Variants in INPP4A observed in about 807,000 individuals in gnomAD.
INPP4A encodes inositol polyphosphate-4-phosphatase type I A, also known as inositol polyphosphate-4-phosphatase, type I, 107kD.
INPP4A carries 33 observed loss-of-function variants against 119.8 expected under a neutral mutation model. That is an observed-to-expected ratio of 0.28 (90% CI 0.21 to 0.37). The LOEUF (loss-of-function observed/expected upper bound fraction) is 0.37, where lower values mean the gene tolerates loss of function less well. Ranked by LOEUF, INPP4A falls within the 10% of genes least tolerant of loss-of-function variation. The pLI is 1.00. For synonymous variants in INPP4A, 496 were observed against 500.7 expected (o/e 0.99, Z 0.12); for missense variants, 956 against 1,289.9 (o/e 0.74, Z 3.97).
chr2:98,562,806 C>G (rs1695729604), intron 17 of INPP4A, among the ~76,000 whole-genome samples: 1 of 138,108 alleles, frequency 7.2e-6, no homozygotes, highest in Non-Finnish European at 1.5e-5. Flanking sequence ...CAAAGTTTCC[C>G]TATATTCCTA....
At chr2:98,541,195 T>C (rs373755190) in intron 10 of INPP4A, among the ~76,000 whole-genome samples, 2 of 151,936 alleles carry the variant, frequency 1.3e-5, no homozygotes, top group Middle Eastern at 3.4e-3. Flanking sequence ...GGCGCGGTGG[T>C]GGGCGCCTGT....
intron 10 of INPP4A, among the ~76,000 whole-genome samples, chr2:98,541,206 A>T (rs1464753039): frequency 2.0e-5 from 3 of 152,032 alleles, no homozygotes; most frequent in African/African-American, 7.2e-5. Flanking sequence ...GGGCGCCTGT[A>T]GTCCCAGCTA....
intron 1 of INPP4A, among the ~76,000 whole-genome samples, chr2:98,482,058 G>A (rs1678581616): frequency 6.6e-6 from 1 of 152,240 alleles, no homozygotes; most frequent in Non-Finnish European, 1.5e-5. Context: ...AGGATCACTT[G>A]AGGCAAGGAG....
intron 3 of INPP4A, 33 bp downstream of exon 3, chr2:98,520,187 G>A (rs1686915333): frequency 2.0e-6 from 3 of 1,501,138 alleles, no homozygotes; most frequent in South Asian, 1.2e-5. Context: ...CGGGCTCCAG[G>A]TATGAGCTCA....
intron 24 of INPP4A, among the ~76,000 whole-genome samples, chr2:98,578,855 C>T (rs142651752): frequency 2.5e-3 from 386 of 152,342 alleles, no homozygotes; most frequent in Non-Finnish European, 4.3e-3. Flanking sequence ...GGTAGCGCTG[C>T]GGACATTTGG....
In INPP4A at chr2:98,563,608, T is replaced by C. The variant is rs1372591736; in HGVS notation, c.1999T>C (p.Tyr667His). The change falls in exon 18 of 25, where the codon TAC (tyrosine) becomes CAC (histidine). Residue 667 changes from tyrosine to histidine, a missense_variant. Tyr to His is a moderately conservative substitution (Grantham distance 83). Coordinates refer to ENST00000409851, the MANE Select transcript of INPP4A (RefSeq NM_001134225.2). ...PTIATYLSLQYRRDVVFCQTL... is the reference protein window; with the variant it reads ...PTIATYLSLQHRRDVVFCQTL... ...CATAGCCACCTACCTGAGCCTGCAG[T>C]ACCGCCGTGACGTGGTCTTCTGCCA... 4.3e-6 allele frequency: 7 copies of C among 1,613,058 alleles called. No individual in the cohort carries two copies. The highest frequency in any genetic ancestry group is 5.9e-6 in the Non-Finnish European group (7 of 1,179,874).
chr2:98,522,516 G>A (rs961242), intron 4 of INPP4A, among the ~76,000 whole-genome samples: 41,729 of 151,862 alleles, frequency 0.27, 5,785 homozygotes, highest in Middle Eastern at 0.35. Context: ...AAAGTAGAAA[G>A]TGGGTAAGAA....
In INPP4A at chr2:98,570,367, C is replaced by T. The variant is rs1697230143; in HGVS notation, c.2518+1699C>T. ...GGACTCAACAGAAGGCGAGAGAGAGCATCACAGGCTAGCAGGAAGAAGGCA... is the reference window on the plus strand; with the variant it reads ...GGACTCAACAGAAGGCGAGAGAGAGTATCACAGGCTAGCAGGAAGAAGGCA... On this transcript the variant is annotated intron_variant, in intron 22 of 24. Coordinates refer to ENST00000409851, the MANE Select transcript of INPP4A (RefSeq NM_001134225.2). The surrounding 1 kb of genome is among the most constrained non-coding windows in gnomAD (Gnocchi z 4.3). 6.6e-6 allele frequency among the ~76,000 whole-genome samples: 1 copy of T among 152,148 alleles called. No homozygotes were observed. Among genetic ancestry groups the T allele is most frequent in the African/African-American group, 2.4e-5 (1 of 41,424 alleles).
intron 1 of INPP4A, among the ~76,000 whole-genome samples, chr2:98,470,912 C>T (rs1036136855): frequency 8.5e-5 from 13 of 152,158 alleles, no homozygotes; most frequent in Non-Finnish European, 7.4e-5. Flanking sequence ...GTGATCCACC[C>T]ACCTTGGCCT....
chr2:98,475,688 T>C (rs2104931645), intron 1 of INPP4A, among the ~76,000 whole-genome samples: 1 of 152,340 alleles, frequency 6.6e-6, no homozygotes, highest in Admixed American at 6.5e-5. Flanking sequence ...TGCTGGGGCA[T>C]GCTGGGCTGT....
At chr2:98,579,216 A>C (rs1037022885) in intron 24 of INPP4A, among the ~76,000 whole-genome samples, 4 of 151,912 alleles carry the variant, frequency 2.6e-5, no homozygotes, top group African/African-American at 9.7e-5. Flanking sequence ...CACCTGGCTA[A>C]TTTTTTGTAT....
chr2:98,587,998 A>G lies in INPP4A; in HGVS notation c.*390A>G, dbSNP rs1021386238. The G allele has an allele frequency of 2.2e-5, 5 of 224,854 alleles. No individual in the cohort carries two copies. The highest frequency in any genetic ancestry group is 1.1e-4 in the African/African-American group (5 of 44,888). 13.9% of individuals were successfully genotyped at this position (224,854 alleles called of 1,614,324 possible). ...CAGAGTAACTCAAAAGTAACCATTG[A>G]ATTACAATCCACTTTGTAAAAATCT... is the stretch of plus-strand genomic sequence containing the variant. On this transcript the variant is annotated 3_prime_UTR_variant, in exon 25 of 25. Transcript: ENST00000409851.
rs3066275 is a variant in INPP4A at position 98,460,100 on chromosome 2, C to CGTGTGTGTGTGTGTGTGTGT, written c.-166+15028_-166+15047dup. On this transcript the variant is annotated intron_variant, in intron 1 of 24. Transcript: ENST00000409851. ...GTGCCACACCTTTGGGTTTGGTCAT[C>CGTGTGTGTGTGTGTGTGTGT]GTGTGTGTGTGTGTGTGTGTGTGTG... Among the ~76,000 whole-genome samples, 237 of 147,102 alleles carry CGTGTGTGTGTGTGTGTGTGT rather than the reference C, an allele frequency of 1.6e-3. 2 individuals are homozygous for CGTGTGTGTGTGTGTGTGTGT. Among genetic ancestry groups the CGTGTGTGTGTGTGTGTGTGT allele is most frequent in the African/African-American group, 5.7e-3 (227 of 39,756 alleles).
At chr2:98,515,751 C>T (rs6750974) in intron 1 of INPP4A, among the ~76,000 whole-genome samples, 31 of 152,286 alleles carry the variant, frequency 2.0e-4, no homozygotes, top group African/African-American at 6.5e-4. Context: ...CTCTGGCAAA[C>T]GTTTCCCAGG....
At chr2:98,539,865 A>G (rs994653811) in intron 10 of INPP4A, among the ~76,000 whole-genome samples, 190 bp downstream of exon 10, 2 of 152,208 alleles carry the variant, frequency 1.3e-5, no homozygotes, top group Non-Finnish European at 2.9e-5. Flanking sequence ...TTCCTGTGCA[A>G]GGATTTCATA....
chr2:98,563,497 A>G lies in INPP4A; in HGVS notation c.1888A>G (p.Thr630Ala). 1.2e-6 allele frequency: 2 copies of G among 1,613,574 alleles called. No homozygotes were observed. The highest frequency in any genetic ancestry group is 1.7e-6 in the Non-Finnish European group (2 of 1,179,728). Reference sequence around the variant, plus strand: ...GAGTGAGGCCCTTTACCCGCTGCTGACCACTCTCACCGACTGCGTGGCCAT... The same window carrying G: ...GAGTGAGGCCCTTTACCCGCTGCTGGCCACTCTCACCGACTGCGTGGCCAT... ...EWSEALYPLL[T>A]TLTDCVAMMS... is the part of the protein sequence containing the mutation. The change falls in exon 18 of 25, where the codon ACC (threonine) becomes GCC (alanine). Residue 630 changes from threonine to alanine, a missense_variant. Physicochemically the swap from Thr to Ala is moderately conservative, Grantham distance 58. This residue lies in a region of INPP4A where 304 missense variants were observed against 492.1 expected (regional missense o/e 0.62). Coordinates refer to ENST00000409851, the MANE Select transcript of INPP4A (RefSeq NM_001134225.2).
At chr2:98,534,937 G>A (rs1379366793) in intron 5 of INPP4A, among the ~76,000 whole-genome samples, 1 of 152,224 alleles carries the variant, frequency 6.6e-6, no homozygotes, top group Non-Finnish European at 1.5e-5. Flanking sequence ...TAGCCTGCTT[G>A]GAAAGGGAGT....
chr2:98,465,029 C>T (rs543608068), intron 1 of INPP4A, among the ~76,000 whole-genome samples: 6 of 152,344 alleles, frequency 3.9e-5, no homozygotes, highest in Non-Finnish European at 7.3e-5. Context: ...TGGGGATTCT[C>T]GAGTTCCTAC....
At chr2:98,579,722 C>T (rs1409040314) in intron 24 of INPP4A, among the ~76,000 whole-genome samples, 3 of 152,266 alleles carry the variant, frequency 2.0e-5, no homozygotes, top group Admixed American at 6.5e-5. Flanking sequence ...TGGGAACAGG[C>T]AGCATTCCCT....
Sources: gnomAD v4.1 joint callset for allele counts (sites outside exome capture counted in the v4.1 genomes callset) on GRCh38, gnomAD v4.1.1 for gene constraint, gnomAD v4.1.1 regional missense constraint, Gnocchi (gnomAD v3.1) non-coding constraint, MANE v1.5 for transcripts, NCBI Gene and HGNC (gene_info 2026-07-23, HGNC 2026-07-21) for gene names.